Variants in ADAM22 observed in about 807,000 individuals in gnomAD.
ADAM22 encodes disintegrin and metalloproteinase domain-containing protein 22.
In ADAM22, 65 loss-of-function variants were observed where a neutral mutation model predicts 144.6. The observed-to-expected ratio is 0.45, with a 90% CI of 0.37 to 0.55. The LOEUF (loss-of-function observed/expected upper bound fraction) is 0.55, where lower values mean the gene tolerates loss of function less well. Among genes scored for constraint, ADAM22 ranks in the 20% least tolerant of loss-of-function variants. The pLI is 0.00. For missense variants in ADAM22, 974 were observed against 1,184.9 expected, an observed-to-expected ratio of 0.82 and a Z score of 2.61; for synonymous variants, 391 against 412.6, an observed-to-expected ratio of 0.95 and a Z score of 0.63.
intron 8 of ADAM22, among the ~76,000 whole-genome samples, chr7:88,126,082 G>A (rs577043592): frequency 6.6e-6 from 1 of 151,928 alleles, no homozygotes; most frequent in Non-Finnish European, 1.5e-5. Context: ...GTCTCACTTG[G>A]GCAAAACTTT....
intron 3 of ADAM22, among the ~76,000 whole-genome samples, chr7:87,996,892 G>C (rs1239106998): frequency 1.3e-5 from 2 of 152,204 alleles, no homozygotes; most frequent in Admixed American, 6.5e-5. Flanking sequence ...TGGCAACAGT[G>C]CCTGTTTTAT....
chr7:88,101,224 C>A (rs959033924), intron 4 of ADAM22, among the ~76,000 whole-genome samples: 5 of 151,672 alleles, frequency 3.3e-5, no homozygotes, highest in Admixed American at 2.0e-4. Flanking sequence ...GCCAGGTTGG[C>A]AACTACTGTG....
intron 3 of ADAM22, among the ~76,000 whole-genome samples, chr7:88,022,475 A>G (rs571515553): frequency 6.6e-6 from 1 of 152,334 alleles, no homozygotes; most frequent in African/African-American, 2.4e-5. Flanking sequence ...TTTATATTCA[A>G]TCAGATTGTT....
chr7:88,165,202 A>T (rs1842668290), intron 23 of ADAM22, among the ~76,000 whole-genome samples: 1 of 152,004 alleles, frequency 6.6e-6, no homozygotes, highest in Non-Finnish European at 1.5e-5. Context: ...ATGAAGAGAG[A>T]TTATTTTCCT....
In ADAM22 at chr7:88,044,667, C is replaced by T. The variant is rs890732882; in HGVS notation, c.324-30959C>T. The stretch of plus-strand genomic sequence containing the variant: ...TTCATTGTGTTAGCCAGGATGGTCT[C>T]GATCTCCTGACCTCATGATCCACCC... On this transcript the variant is annotated intron_variant, in intron 3 of 31. Transcript: ENST00000413139. Among the ~76,000 whole-genome samples the T allele has an allele frequency of 3.3e-5, 5 of 151,720 alleles. No individual in the cohort carries two copies. In the East Asian group the frequency reaches 5.8e-4, roughly 18 times the overall value.
intron 2 of ADAM22, among the ~76,000 whole-genome samples, chr7:87,957,375 C>A (rs962919585): frequency 1.3e-5 from 2 of 152,108 alleles, no homozygotes; most frequent in African/African-American, 4.8e-5. Flanking sequence ...TTCAAACATA[C>A]AAAATGGTAG....
At chr7:88,190,424 A>G (rs536356265) in intron 30 of ADAM22, among the ~76,000 whole-genome samples, 173 of 152,118 alleles carry the variant, frequency 1.1e-3, no homozygotes, top group African/African-American at 3.8e-3. Flanking sequence ...AGTCCCAGCT[A>G]CTCGGGAGGC....
At chr7:88,050,221 TAAA>T (rs1240990310) in intron 3 of ADAM22, among the ~76,000 whole-genome samples, 3 of 70,562 alleles carry the variant, frequency 4.3e-5, no homozygotes, top group South Asian at 4.8e-4. Flanking sequence ...CCATCTCTAC[TAAA>T]AAAAAAAAAA....
chr7:88,089,248 A>G (rs193224096), intron 4 of ADAM22, among the ~76,000 whole-genome samples: 242 of 152,260 alleles, frequency 1.6e-3, no homozygotes, highest in African/African-American at 5.7e-3. Context: ...TAAGAAGAGT[A>G]AGCAATTAAA....
chr7:88,046,928 G>A (rs1055959757), intron 3 of ADAM22, among the ~76,000 whole-genome samples: 3 of 151,596 alleles, frequency 2.0e-5, no homozygotes, highest in Non-Finnish European at 2.9e-5. Flanking sequence ...CATTAATAGT[G>A]GAATGTGGTT....
intron 4 of ADAM22, among the ~76,000 whole-genome samples, chr7:88,082,344 G>A (rs1816954796): frequency 6.6e-6 from 1 of 152,132 alleles, no homozygotes; most frequent in Admixed American, 6.6e-5. Context: ...ATTCAAGATG[G>A]ATTAAAGACT....
intron 3 of ADAM22, among the ~76,000 whole-genome samples, chr7:88,073,416 C>T (rs772900528): frequency 6.6e-6 from 1 of 152,138 alleles, no homozygotes; most frequent in Admixed American, 6.5e-5. Flanking sequence ...GTTGTAAACA[C>T]CCCTCATCTC....
intron 3 of ADAM22, among the ~76,000 whole-genome samples, chr7:87,983,454 A>G (rs1358521045): frequency 6.6e-6 from 1 of 151,978 alleles, no homozygotes; most frequent in Non-Finnish European, 1.5e-5. Context: ...TTTCCATCAT[A>G]TTTTATAATT....
intron 21 of ADAM22, among the ~76,000 whole-genome samples, chr7:88,153,672 C>A (rs973652907): frequency 1.3e-5 from 2 of 152,164 alleles, no homozygotes; most frequent in Non-Finnish European, 2.9e-5. Context: ...CCCAAACCAC[C>A]CCCTTTTTGC....
At chr7:88,052,513 T>A (rs1436400118) in intron 3 of ADAM22, among the ~76,000 whole-genome samples, 1 of 148,808 alleles carries the variant, frequency 6.7e-6, no homozygotes, top group East Asian at 2.0e-4. Context: ...AAAAAAAAAG[T>A]TCCCAGATGC....
chr7:88,176,973 C>T (rs1331149859), intron 26 of ADAM22, among the ~76,000 whole-genome samples: 1 of 152,138 alleles, frequency 6.6e-6, no homozygotes, highest in African/African-American at 2.4e-5. Context: ...CCATGTTGGC[C>T]AGGCTAGTCT....
intron 29 of ADAM22, among the ~76,000 whole-genome samples, chr7:88,185,606 A>G (rs910866163): frequency 3.3e-5 from 5 of 152,070 alleles, no homozygotes; most frequent in Admixed American, 6.5e-5. Flanking sequence ...TTCTTCCAGT[A>G]TGGAATTTGT....
Position 88,200,225 on chromosome 7 carries a change from A to G in ADAM22, c.*3734A>G, listed in dbSNP as rs2115573385. The G allele has an allele frequency of 6.6e-6, 1 of 152,332 alleles. No homozygotes were observed. The highest frequency in any genetic ancestry group is 2.4e-5 in the African/African-American group (1 of 41,590). 9.4% of individuals were successfully genotyped at this position (152,332 alleles called of 1,614,324 possible). A position where few individuals can be genotyped will look rare whatever the true frequency, so the allele number is the denominator to read the frequency against. ...TTATCCATTCATTTCCTATTGTCGT[A>G]TAGTTCTAACCATATATATAGTACT... On this transcript the variant is annotated 3_prime_UTR_variant, in exon 32 of 32. Coordinates refer to ENST00000413139, the MANE Select transcript of ADAM22 (RefSeq NM_001324418.2).
intron 18 of ADAM22, among the ~76,000 whole-genome samples, chr7:88,150,003 G>A (rs1271763461): frequency 1.3e-5 from 2 of 152,138 alleles, no homozygotes; most frequent in African/African-American, 2.4e-5. Flanking sequence ...TGCTTTCAAT[G>A]TCATGAGATA....
Sources: gnomAD v4.1 joint callset for allele counts (sites outside exome capture counted in the v4.1 genomes callset) on GRCh38, gnomAD v4.1.1 for gene constraint, MANE v1.5 for transcripts, NCBI Gene and HGNC (gene_info 2026-07-23, HGNC 2026-07-21) for gene names.